The following CNGB3 variants were observed in gnomAD, a reference collection of about 807,000 sequenced individuals.
CNGB3 encodes cyclic nucleotide gated channel subunit beta 3, also known as cyclic nucleotide-gated channel beta-3.
A neutral mutation model predicts 92.8 loss-of-function variants in CNGB3; 86 were observed. The observed-to-expected ratio is 0.93, with a 90% CI of 0.78 to 1.11. CNGB3 has a LOEUF of 1.11. Among genes scored for constraint, CNGB3 ranks in the 50% least tolerant of loss-of-function variants. The probability of loss-of-function intolerance (pLI) is 0.00; values close to 1 mark genes in which losing one functional copy is unlikely to be tolerated. For synonymous variants in CNGB3, 333 were observed against 332.7 expected, an observed-to-expected ratio of 1.00 and a Z score of -0.01; for missense variants, 1,026 against 956.8, an observed-to-expected ratio of 1.07 and a Z score of -0.95.
At chr8:86,683,994 C>A (rs185371269) in intron 3 of CNGB3, among the ~76,000 whole-genome samples, 15 of 152,156 alleles carry the variant, frequency 9.9e-5, no homozygotes, top group African/African-American at 3.6e-4. Flanking sequence ...TGCACTTGAT[C>A]AAAATGGGAA....
intron 10 of CNGB3, among the ~76,000 whole-genome samples, chr8:86,633,327 C>T (rs1822999177): frequency 6.6e-6 from 1 of 152,186 alleles, no homozygotes; most frequent in South Asian, 2.1e-4. Context: ...CTGGGTTCCC[C>T]TGTTCCTTTC....
intron 3 of CNGB3, among the ~76,000 whole-genome samples, chr8:86,673,285 C>T (rs1489933193): frequency 6.6e-6 from 1 of 152,190 alleles, no homozygotes; most frequent in African/African-American, 2.4e-5. Flanking sequence ...AGTACACTGT[C>T]TTAAGGGACC....
chr8:86,612,671 C>T (rs1310996297), intron 13 of CNGB3, among the ~76,000 whole-genome samples: 1 of 152,142 alleles, frequency 6.6e-6, no homozygotes, highest in Non-Finnish European at 1.5e-5. Context: ...ACTGATAAGG[C>T]AAGCTAATAA....
At chr8:86,643,914 T>G in intron 9 of CNGB3, 41 bp from the exon 10 acceptor site, 1 of 1,591,876 alleles carries the variant, frequency 6.3e-7, no homozygotes, top group Non-Finnish European at 8.6e-7. Context: ...TCATGTTGTT[T>G]CTGAAATACA....
intron 2 of CNGB3, among the ~76,000 whole-genome samples, chr8:86,735,838 A>T (rs1825242162): frequency 1.3e-5 from 2 of 152,220 alleles, no homozygotes; most frequent in Non-Finnish European, 2.9e-5. Flanking sequence ...ACAGCTTTGG[A>T]TAGCCATTAA....
intron 13 of CNGB3, among the ~76,000 whole-genome samples, chr8:86,614,545 A>T (rs925348758): frequency 6.6e-6 from 1 of 152,016 alleles, no homozygotes; most frequent in African/African-American, 2.4e-5. Flanking sequence ...AGGTAATGAA[A>T]ATGCTTCTAT....
chr8:86,654,897 G>A (rs928414005), intron 6 of CNGB3, among the ~76,000 whole-genome samples: 31 of 152,192 alleles, frequency 2.0e-4, no homozygotes, highest in African/African-American at 6.5e-4. Flanking sequence ...AGAGATTACC[G>A]TGCGGGTTGA....
chr8:86,704,401 A>G (rs750256942), intron 3 of CNGB3: 4 of 152,318 alleles, frequency 2.6e-5, no homozygotes, highest in East Asian at 3.9e-4. Context: ...TTCTAGGGTC[A>G]ACTGAATTAA....
At chr8:86,730,259 C>T (rs1309257838) in intron 2 of CNGB3, among the ~76,000 whole-genome samples, 2 of 152,182 alleles carry the variant, frequency 1.3e-5, no homozygotes, top group African/African-American at 2.4e-5. Flanking sequence ...ATCCATTAAC[C>T]TTCCACATTT....
chr8:86,655,738 T>A (rs534095272), intron 6 of CNGB3, among the ~76,000 whole-genome samples: 1 of 152,314 alleles, frequency 6.6e-6, no homozygotes, highest in East Asian at 1.9e-4. Flanking sequence ...CCTAACACAG[T>A]GTCTAACACA....
At chr8:86,660,522 G>A (rs564264131) in intron 6 of CNGB3, 5 of 533,018 alleles carry the variant, frequency 9.4e-6, no homozygotes, top group Admixed American at 1.9e-5. Flanking sequence ...CCAGAGGGAC[G>A]ATTTTTCTCA....
intron 3 of CNGB3, among the ~76,000 whole-genome samples, 183 bp downstream of exon 3, chr8:86,726,348 A>T (rs772758671): frequency 2.0e-5 from 3 of 152,206 alleles, no homozygotes; most frequent in Non-Finnish European, 2.9e-5. Flanking sequence ...ATGCTGGGCC[A>T]GTGAGGTACG....
chr8:86,586,219 C>T (rs1821886158), intron 15 of CNGB3, among the ~76,000 whole-genome samples: 1 of 152,152 alleles, frequency 6.6e-6, no homozygotes, highest in African/African-American at 2.4e-5. Flanking sequence ...TAACACCTGC[C>T]CTCAAGCTGT....
chr8:86,679,021 C>T (rs1244692288), intron 3 of CNGB3, among the ~76,000 whole-genome samples: 4 of 152,038 alleles, frequency 2.6e-5, no homozygotes, highest in South Asian at 4.2e-4. Flanking sequence ...CCTGCTTTTA[C>T]CATTTTTTCT....
intron 6 of CNGB3, chr8:86,658,154 T>C: frequency 1.9e-6 from 1 of 539,308 alleles, no homozygotes; most frequent in Non-Finnish European, 3.4e-6. Flanking sequence ...TCTGGCTCCT[T>C]CTGGACTGAG....
At chr8:86,643,715 T>G in intron 10 of CNGB3, 36 bp downstream of exon 10, 1 of 1,596,838 alleles carries the variant, frequency 6.3e-7, no homozygotes, top group East Asian at 2.3e-5. Context: ...ATGTTAAAAA[T>G]AATCAATAAA....
chr8:86,611,521 T>C lies in CNGB3; in HGVS notation c.1662+67A>G, dbSNP rs28517318. 5,895 of 1,309,650 alleles carry C rather than the reference T, an allele frequency of 4.5e-3. 198 individuals carry two copies. The African/African-American group carries it at 0.074, about 17-fold the overall frequency. The allele number at this position is 1,309,650 out of a possible 1,614,324, so 81.1% of individuals were successfully genotyped here. On this transcript the variant is annotated intron_variant, in intron 14 of 17. Coordinates refer to ENST00000320005, the MANE Select transcript of CNGB3 (RefSeq NM_019098.5). The stretch of plus-strand genomic sequence containing the variant: ...AACAAATTTTGTTTAAACAATGTTC[T>C]TGACTTATGTCCGAAATCCTCAAAT...
intron 1 of CNGB3, among the ~76,000 whole-genome samples, chr8:86,741,423 C>T (rs1825338640): frequency 6.6e-6 from 1 of 152,062 alleles, no homozygotes; most frequent in Non-Finnish European, 1.5e-5. Context: ...CAACACTTTG[C>T]AAGGACAAGG....
chr8:86,591,925 G>T (rs1403088413), intron 15 of CNGB3, among the ~76,000 whole-genome samples: 2 of 151,982 alleles, frequency 1.3e-5, no homozygotes, highest in Admixed American at 6.6e-5. Flanking sequence ...AATGGCGGGC[G>T]CCCCTCCCCC....
Sources: gnomAD v4.1 joint callset for allele counts (sites outside exome capture counted in the v4.1 genomes callset) on GRCh38, gnomAD v4.1.1 for gene constraint, MANE v1.5 for transcripts, NCBI Gene and HGNC (gene_info 2026-07-23, HGNC 2026-07-21) for gene names.